Variants in DCBLD2 observed in about 807,000 individuals in gnomAD.
DCBLD2 encodes discoidin, CUB and LCCL domain-containing protein 2.
Under a neutral mutation model 86.8 loss-of-function variants are expected in DCBLD2, and 54 were observed. That is an observed-to-expected ratio of 0.62 (90% CI 0.50 to 0.78). The LOEUF is 0.78. DCBLD2 is among the 30% of genes least tolerant of loss of function. The probability of loss-of-function intolerance (pLI) is 0.00; values close to 1 mark genes in which losing one functional copy is unlikely to be tolerated. For missense variants in DCBLD2, 908 were observed against 954.2 expected, an observed-to-expected ratio of 0.95 and a Z score of 0.64; for synonymous variants, 354 against 341.3, an observed-to-expected ratio of 1.04 and a Z score of -0.41.
intron 1 of DCBLD2, among the ~76,000 whole-genome samples, chr3:98,884,125 T>C (rs918297879): frequency 2.0e-5 from 3 of 152,140 alleles, no homozygotes; most frequent in Non-Finnish European, 2.9e-5. Flanking sequence ...AGAAATTTTA[T>C]TGTTGAATCC....
chr3:98,808,282 C>T (rs909941069), intron 12 of DCBLD2, 108 bp from the exon 13 acceptor site: 11 of 916,310 alleles, frequency 1.2e-5, no homozygotes, highest in Non-Finnish European at 1.1e-5. Context: ...TTCTACCTCA[C>T]GGAAATACCA....
chr3:98,826,830 T>C (rs2107454332), intron 3 of DCBLD2, among the ~76,000 whole-genome samples: 1 of 152,292 alleles, frequency 6.6e-6, no homozygotes, highest in East Asian at 1.9e-4. Flanking sequence ...CAAAAGTAAG[T>C]GATTTTACAT....
chr3:98,870,938 T>C (rs976881080), intron 2 of DCBLD2, among the ~76,000 whole-genome samples: 1 of 152,052 alleles, frequency 6.6e-6, no homozygotes, highest in African/African-American at 2.4e-5. Context: ...TTCTATTTGT[T>C]TGTATCATCT....
At chr3:98,860,729 A>G (rs574121609) in intron 2 of DCBLD2, among the ~76,000 whole-genome samples, 1 of 152,342 alleles carries the variant, frequency 6.6e-6, no homozygotes, top group South Asian at 2.1e-4. Context: ...AGGAAGCACT[A>G]AACATGGAAA....
chr3:98,849,292 G>T, intron 3 of DCBLD2, 169 bp downstream of exon 3: 2 of 766,336 alleles, frequency 2.6e-6, no homozygotes, highest in Non-Finnish European at 4.1e-6. Flanking sequence ...TTTATTTTTG[G>T]AACTTTGAAA....
At chr3:98,820,798 C>T (rs1428475299) in intron 6 of DCBLD2, 1 of 140,312 alleles carries the variant, frequency 7.1e-6, no homozygotes, top group African/African-American at 2.7e-5. Context: ...GAGAAATCAA[C>T]ATCTCATGGA....
At chr3:98,853,871 TAG>T (rs1942883825) in intron 2 of DCBLD2, among the ~76,000 whole-genome samples, 1 of 152,326 alleles carries the variant, frequency 6.6e-6, no homozygotes, top group East Asian at 1.9e-4. Context: ...AACCAGAGGG[TAG>T]AGAGTTACTT....
At chr3:98,804,844 T>C (rs902448532) in intron 13 of DCBLD2, 1 of 152,220 alleles carries the variant, frequency 6.6e-6, no homozygotes, top group Non-Finnish European at 1.5e-5. Flanking sequence ...TTCCATGTAG[T>C]TGAGTGGTTT....
intron 2 of DCBLD2, among the ~76,000 whole-genome samples, chr3:98,851,471 G>C (rs1341384242): frequency 6.6e-6 from 1 of 152,098 alleles, no homozygotes; most frequent in African/African-American, 2.4e-5. Context: ...TTCCATGCTC[G>C]TGGATAGGAA....
chr3:98,836,596 A>G (rs1413568286), intron 3 of DCBLD2, among the ~76,000 whole-genome samples: 3 of 148,104 alleles, frequency 2.0e-5, no homozygotes, highest in Non-Finnish European at 4.5e-5. Context: ...CCCGTTCTCA[A>G]TGAGCTGTTG....
chr3:98,842,527 T>G (rs977964537), intron 3 of DCBLD2, among the ~76,000 whole-genome samples: 7 of 152,218 alleles, frequency 4.6e-5, no homozygotes, highest in Non-Finnish European at 1.0e-4. Flanking sequence ...ACTAGGTATT[T>G]TACCTCTTCT....
At position 98,901,433 on chromosome 3, in the gene DCBLD2, A is replaced by C. The variant is rs1249695980; in HGVS notation, c.-107T>G. ...ACGGCGGCAGCGGCGGGAGAACAAG[A>C]GGCAGCCCTCGCCTCACCCCGCGCC... On this transcript the variant is annotated 5_prime_UTR_variant, in exon 1 of 16. Transcript: ENST00000326840. 8.6e-7 allele frequency: 1 copy of C among 1,158,442 alleles called. No homozygotes were observed. Among genetic ancestry groups the C allele is most frequent in the African/African-American group, 1.6e-5 (1 of 61,716 alleles). 71.8% of individuals were successfully genotyped at this position (1,158,442 alleles called of 1,614,324 possible). A position where few individuals can be genotyped will look rare whatever the true frequency, so the allele number is the denominator to read the frequency against.
intron 3 of DCBLD2, among the ~76,000 whole-genome samples, chr3:98,835,965 A>G (rs1234593500): frequency 1.3e-5 from 1 of 74,938 alleles, no homozygotes; most frequent in African/African-American, 4.7e-5. Context: ...AGATTTTTAA[A>G]TTTTTGTTTA....
intron 13 of DCBLD2, chr3:98,801,868 C>T (rs1466993730): frequency 8.9e-6 from 4 of 449,514 alleles, no homozygotes; most frequent in South Asian, 3.7e-5. Flanking sequence ...ATCCATGTCA[C>T]TACAAAGGAC....
chr3:98,820,094 C>T (rs897832186), intron 7 of DCBLD2, among the ~76,000 whole-genome samples, 154 bp downstream of exon 7: 2 of 152,172 alleles, frequency 1.3e-5, no homozygotes, highest in African/African-American at 2.4e-5. Context: ...TCAATTTGCT[C>T]TATTCATTAT....
At chr3:98,811,374 CAT>C in intron 11 of DCBLD2, 55 bp from the exon 12 acceptor site, 2 of 1,612,114 alleles carry the variant, frequency 1.2e-6, no homozygotes, top group Middle Eastern at 1.7e-4. Context: ...ACTTGATTAA[CAT>C]AAACTTATTT....
intron 1 of DCBLD2, among the ~76,000 whole-genome samples, chr3:98,899,850 A>G (rs1943817597): frequency 6.6e-6 from 1 of 152,198 alleles, no homozygotes; most frequent in Non-Finnish European, 1.5e-5. Context: ...TTCCAGCCAC[A>G]AAGTAAGCCC....
rs201886946 is a variant in DCBLD2, at chr3:98,799,588, C to A, written c.2112G>T (p.Thr704=). ...CCACTAGTGGGGGAGGTTGGTTCCC[C>A]GTAGCCTTGAAAGTGGATGTGGAGG... ...GQPSTSTFKA[T]GNQPPPLVGT... is the part of the protein sequence containing the mutation. The change falls in exon 16 of 16, where the codon ACG becomes ACT. Residue 704 remains threonine (T), a synonymous_variant. Coordinates refer to ENST00000326840, the MANE Select transcript of DCBLD2 (RefSeq NM_080927.4). 6.2e-7 allele frequency: 1 copy of A among 1,613,936 alleles called. No homozygotes were observed. Among genetic ancestry groups the A allele is most frequent in the South Asian group, 1.1e-5 (1 of 91,080 alleles).
intron 3 of DCBLD2, among the ~76,000 whole-genome samples, chr3:98,832,600 C>G (rs1388124304): frequency 6.6e-6 from 1 of 152,130 alleles, no homozygotes; most frequent in African/African-American, 2.4e-5. Flanking sequence ...ATATTTAGTG[C>G]TAGCTTCAAG....
Sources: allele counts gnomAD v4.1 joint callset (sites outside exome capture counted in the v4.1 genomes callset), GRCh38; gene constraint gnomAD v4.1.1; transcripts MANE v1.5; gene names NCBI Gene and HGNC (gene_info 2026-07-23, HGNC 2026-07-21).